The following EPB41L3 variants were observed in gnomAD, a reference collection of about 807,000 sequenced individuals.
EPB41L3 encodes the protein band 4.1-like protein 3.
EPB41L3 carries 57 observed loss-of-function variants against 127.1 expected under a neutral mutation model. The observed-to-expected ratio is 0.45, with a 90% CI of 0.36 to 0.56. The LOEUF is 0.56. EPB41L3 is among the 20% of genes least tolerant of loss of function. EPB41L3 has a pLI of 0.00. For missense variants in EPB41L3, 1,273 were observed against 1,372.2 expected, an observed-to-expected ratio of 0.93 and a Z score of 1.14; for synonymous variants, 572 against 549.5, an observed-to-expected ratio of 1.04 and a Z score of -0.57.
At chr18:5,598,747 A>G (rs1193879778) in intron 3 of EPB41L3, among the ~76,000 whole-genome samples, 2 of 152,180 alleles carry the variant, frequency 1.3e-5, no homozygotes, top group Non-Finnish European at 2.9e-5. Context: ...TGCCTTTAGA[A>G]TTCTGCCTTG....
intron 3 of EPB41L3, among the ~76,000 whole-genome samples, chr18:5,582,163 A>C (rs2094399557): frequency 6.6e-6 from 1 of 152,154 alleles, no homozygotes; most frequent in Non-Finnish European, 1.5e-5. Context: ...AAGACCACAG[A>C]GGCTTTTTCT....
At chr18:5,612,503 T>G (rs933512155) in intron 2 of EPB41L3, 1 of 152,210 alleles carries the variant, frequency 6.6e-6, no homozygotes, top group Non-Finnish European at 1.5e-5. Flanking sequence ...GAGCTTCAGA[T>G]AGCATTTTGT....
At chr18:5,439,375 T>A (rs914299693) in intron 5 of EPB41L3, among the ~76,000 whole-genome samples, 1 of 152,184 alleles carries the variant, frequency 6.6e-6, no homozygotes, top group African/African-American at 2.4e-5. Flanking sequence ...TTCCCAAACA[T>A]TCAGAAGAAG....
chr18:5,441,979 C>A (rs376320703), intron 5 of EPB41L3, among the ~76,000 whole-genome samples: 1 of 152,066 alleles, frequency 6.6e-6, no homozygotes, highest in Non-Finnish European at 1.5e-5. Context: ...AAAAATGAAT[C>A]CTATTAATAA....
chr18:5,508,533 C>T (rs558604789), intron 1 of EPB41L3, among the ~76,000 whole-genome samples: 7 of 151,926 alleles, frequency 4.6e-5, no homozygotes, highest in African/African-American at 1.4e-4. Context: ...TTTGGGAGGC[C>T]GAGGTGGGTG....
At chr18:5,530,626 G>T (rs1178529256) in intron 1 of EPB41L3, among the ~76,000 whole-genome samples, 1 of 151,874 alleles carries the variant, frequency 6.6e-6, no homozygotes, top group Non-Finnish European at 1.5e-5. Flanking sequence ...CTCTGTACAC[G>T]CTGGTCAGTC....
chr18:5,396,131 A>T, intron 19 of EPB41L3, 70 bp downstream of exon 19: 2 of 1,580,350 alleles, frequency 1.3e-6, no homozygotes, highest in Non-Finnish European at 1.7e-6. Context: ...GTGCAGTTCT[A>T]TGTAAACACA....
chr18:5,578,523 C>A (rs1033567757), intron 3 of EPB41L3, among the ~76,000 whole-genome samples: 1 of 151,950 alleles, frequency 6.6e-6, no homozygotes, highest in Non-Finnish European at 1.5e-5. Context: ...ATGGATGAAA[C>A]CAAGAAATTT....
At chr18:5,400,481 G>T (rs1445638887) in intron 16 of EPB41L3, 1 of 455,682 alleles carries the variant, frequency 2.2e-6, no homozygotes, top group African/African-American at 2.0e-5. Flanking sequence ...TAAATGAAAT[G>T]AATTGAAAGA....
At chr18:5,478,723 T>C (rs1247262795) in intron 2 of EPB41L3, among the ~76,000 whole-genome samples, 1 of 152,220 alleles carries the variant, frequency 6.6e-6, no homozygotes, top group Admixed American at 6.5e-5. Context: ...AATGAATAAT[T>C]GACTCCTGAC....
At chr18:5,464,252 T>C (rs1288307182) in intron 3 of EPB41L3, among the ~76,000 whole-genome samples, 1 of 152,212 alleles carries the variant, frequency 6.6e-6, no homozygotes, top group South Asian at 2.1e-4. Flanking sequence ...TCTACAGGGA[T>C]AGTCAGCTAA....
intron 3 of EPB41L3, among the ~76,000 whole-genome samples, chr18:5,468,276 G>A (rs1004388257): frequency 1.6e-4 from 24 of 152,124 alleles, no homozygotes; most frequent in Non-Finnish European, 2.5e-4. Flanking sequence ...ACAGGAGGCC[G>A]GCAGGCTCCT....
chr18:5,551,766 G>T (rs2093968181), intron 3 of EPB41L3, among the ~76,000 whole-genome samples: 2 of 152,160 alleles, frequency 1.3e-5, no homozygotes, highest in Non-Finnish European at 2.9e-5. Context: ...TCACAGCTGG[G>T]TGATAGGTAC....
chr18:5,560,556 A>G (rs916192897), intron 3 of EPB41L3, among the ~76,000 whole-genome samples: 1 of 152,240 alleles, frequency 6.6e-6, no homozygotes, highest in Non-Finnish European at 1.5e-5. Context: ...TCTTCTAGAT[A>G]GGGGAATTGA....
chr18:5,572,309 T>C (rs2094290803), intron 3 of EPB41L3, among the ~76,000 whole-genome samples: 1 of 152,222 alleles, frequency 6.6e-6, no homozygotes, highest in Non-Finnish European at 1.5e-5. Flanking sequence ...CTTTGTCAAC[T>C]GTAAAAGACA....
At chr18:5,562,631 T>G (rs924026937) in intron 3 of EPB41L3, among the ~76,000 whole-genome samples, 1 of 152,220 alleles carries the variant, frequency 6.6e-6, no homozygotes, top group Non-Finnish European at 1.5e-5. Context: ...CCTGGCGCAT[T>G]GTCAGAACCC....
intron 2 of EPB41L3, among the ~76,000 whole-genome samples, chr18:5,487,394 A>G (rs1182948834): frequency 6.9e-6 from 1 of 145,638 alleles, no homozygotes; most frequent in Non-Finnish European, 1.5e-5. Flanking sequence ...TATACAAAAT[A>G]TAATATATAT....
intron 3 of EPB41L3, among the ~76,000 whole-genome samples, chr18:5,472,929 C>CA (rs2086428318): frequency 6.6e-6 from 1 of 152,194 alleles, no homozygotes; most frequent in African/African-American, 2.4e-5. Context: ...TGGTCCCTTA[C>CA]AAGCATCTCT....
intron 1 of EPB41L3, among the ~76,000 whole-genome samples, chr18:5,495,399 T>TAAAAAAAAAAAAAAAAAAAAAA: frequency 8.6e-6 from 1 of 116,022 alleles, no homozygotes; most frequent in Non-Finnish European, 1.9e-5. Flanking sequence ...ATTGGAAACT[T>TAAAAAAAAAAAAAAAAAAAAAA]AAAAAAAAAA....
Sources: allele counts gnomAD v4.1 joint callset (sites outside exome capture counted in the v4.1 genomes callset), GRCh38; gene constraint gnomAD v4.1.1; transcripts MANE v1.5; gene names NCBI Gene and HGNC (gene_info 2026-07-23, HGNC 2026-07-21).